Variants in FREM2 observed in about 807,000 individuals in gnomAD.
FREM2 encodes FRAS1 related extracellular matrix 2.
Under a neutral mutation model 219.9 loss-of-function variants are expected in FREM2, and 119 were observed. The observed-to-expected ratio is 0.54, with a 90% CI of 0.47 to 0.63. The LOEUF (loss-of-function observed/expected upper bound fraction) is 0.63. Among genes scored for constraint, FREM2 ranks in the 30% least tolerant of loss-of-function variants. The pLI is 0.00. For synonymous variants in FREM2, 1,562 were observed against 1,522.8 expected, an observed-to-expected ratio of 1.03 and a Z score of -0.60; for missense variants, 4,030 against 3,993.6, an observed-to-expected ratio of 1.01 and a Z score of -0.25.
intron 6 of FREM2, among the ~76,000 whole-genome samples, chr13:38,824,559 A>T (rs1374723103): frequency 1.3e-5 from 2 of 152,020 alleles, no homozygotes; most frequent in East Asian, 3.9e-4. Context: ...ATTTTGAGGG[A>T]AACAGTGGGA....
At chr13:38,755,482 T>C in intron 2 of FREM2, among the ~76,000 whole-genome samples, 1 of 152,180 alleles carries the variant, frequency 6.6e-6, no homozygotes, top group Non-Finnish European at 1.5e-5. Context: ...TCTCTTTAAA[T>C]TTCCACTTAC....
At position 38,783,124 on chromosome 13, in the gene FREM2, A is replaced by G; in HGVS notation, c.5696A>G (p.Glu1899Gly). The change falls in exon 5 of 24, where the codon GAG becomes GGG. Residue 1899 changes from glutamate (E) to glycine (G), a missense_variant. Coordinates refer to ENST00000280481, the MANE Select transcript of FREM2 (RefSeq NM_207361.6). ...SKYSVEEDVGELFIPIRRSGD... is the reference protein window; with the variant it reads ...SKYSVEEDVGGLFIPIRRSGD... ...TACTCCGTTGAAGAAGATGTTGGTGAGCTGTTCATTCCCATCAGGAGGAGC... is the reference window on the plus strand; with the variant it reads ...TACTCCGTTGAAGAAGATGTTGGTGGGCTGTTCATTCCCATCAGGAGGAGC... 4 of 1,613,972 alleles carry G rather than the reference A, an allele frequency of 2.5e-6. No homozygotes were observed. Among genetic ancestry groups the G allele is most frequent in the Non-Finnish European group, 3.4e-6 (4 of 1,179,922 alleles).
At chr13:38,702,544 GTTTGT>G (rs907244815) in intron 2 of FREM2, among the ~76,000 whole-genome samples, 2 of 151,984 alleles carry the variant, frequency 1.3e-5, no homozygotes, top group African/African-American at 4.8e-5. Flanking sequence ...TTTTTTGTTT[GTTTGT>G]TTTAAGTCTC....
At position 38,885,571 on chromosome 13, in the gene FREM2, C is replaced by G. The variant is rs1878699193; in HGVS notation, c.*4784C>G. 1 of 152,036 alleles carries G rather than the reference C, an allele frequency of 6.6e-6. No homozygotes were observed. The allele number at this position is 152,036 out of a possible 1,614,324, so 9.4% of individuals were successfully genotyped here. On this transcript the variant is annotated 3_prime_UTR_variant, in exon 24 of 24. Coordinates refer to ENST00000280481, the MANE Select transcript of FREM2 (RefSeq NM_207361.6). The stretch of plus-strand genomic sequence containing the variant: ...TATTTTTCATTCTTCCAATAATGCT[C>G]TCTTTTTCATTTCAAAACCATTACC...
Position 38,700,820 on chromosome 13 carries a change from T to C in FREM2, c.5263+3033T>C, listed in dbSNP as rs2442371. Among the ~76,000 whole-genome samples, 1,070 of 152,196 alleles carry C rather than the reference T, an allele frequency of 7.0e-3. 14 individuals carry two copies. The highest frequency in any genetic ancestry group is 0.025 in the African/African-American group (1,037 of 41,572). On this transcript the variant is annotated intron_variant, in intron 2 of 23. Coordinates refer to ENST00000280481, the MANE Select transcript of FREM2 (RefSeq NM_207361.6). ...ACTTCTCTGGGTTCTCCAGACCAAC[T>C]TTCTAGGAATGTTTAATAGATGTGA... is the stretch of plus-strand genomic sequence containing the variant.
rs1438906302 is a variant in FREM2, at chr13:38,691,398, T to C, written c.4054T>C (p.Leu1352=). The change falls in exon 1 of 24, where the codon TTA becomes CTA. Residue 1352 remains leucine (L), a synonymous_variant. Transcript: ENST00000280481. ...TCGTTATGGGCCAGGACATGGCTTA[T>C]TACAGAGACGAAAACCTACTGGTGC... ...IIRYGPGHGL[L]QRRKPTGAFE... The C allele has an allele frequency of 6.2e-7, 1 of 1,614,184 alleles. No homozygotes were observed. The highest frequency in any genetic ancestry group is 2.2e-5 in the East Asian group (1 of 44,888).
At chr13:38,786,741 A>G (rs551122974) in intron 6 of FREM2, among the ~76,000 whole-genome samples, 3 of 152,350 alleles carry the variant, frequency 2.0e-5, no homozygotes, top group Non-Finnish European at 4.4e-5. Context: ...AAAAAAACAT[A>G]AAAGTACAGA....
At chr13:38,732,018 A>G (rs567106814) in intron 2 of FREM2, among the ~76,000 whole-genome samples, 4 of 152,338 alleles carry the variant, frequency 2.6e-5, no homozygotes, top group African/African-American at 9.6e-5. Flanking sequence ...ATGAATATCC[A>G]TACCACCAGT....
chr13:38,739,575 T>A (rs1318038531), intron 2 of FREM2, among the ~76,000 whole-genome samples: 1 of 152,092 alleles, frequency 6.6e-6, no homozygotes, highest in East Asian at 1.9e-4. Flanking sequence ...CTCACCCTGA[T>A]CATCCTTCTC....
intron 17 of FREM2, among the ~76,000 whole-genome samples, chr13:38,873,256 G>A (rs1401209587): frequency 6.6e-6 from 1 of 151,996 alleles, no homozygotes; most frequent in Non-Finnish European, 1.5e-5. Flanking sequence ...CTAGAAAATG[G>A]ATAGAGGAAG....
intron 2 of FREM2, among the ~76,000 whole-genome samples, chr13:38,740,290 G>A (rs1167124241): frequency 7.2e-5 from 11 of 152,226 alleles, no homozygotes; most frequent in South Asian, 2.1e-4. Context: ...TTTCATGTTC[G>A]AGAGATATGT....
intron 2 of FREM2, among the ~76,000 whole-genome samples, chr13:38,699,398 T>C (rs1870251836): frequency 6.6e-6 from 1 of 152,170 alleles, no homozygotes. Flanking sequence ...ATTCCAATTT[T>C]GGAAAACATT....
In FREM2 at chr13:38,690,883, C is replaced by G. The variant is rs139236965; in HGVS notation, c.3539C>G (p.Pro1180Arg). ...GINFSERQFFPIVIIPTNDEQ... is the reference protein window; with the variant it reads ...GINFSERQFFRIVIIPTNDEQ... Reference sequence around the variant, plus strand: ...AACTTTTCAGAGAGACAGTTCTTCCCCATTGTAATCATTCCCACCAATGAT... The same window carrying G: ...AACTTTTCAGAGAGACAGTTCTTCCGCATTGTAATCATTCCCACCAATGAT... Residue 1180 changes from proline (P) to arginine (R), a missense_variant, in exon 1 of 24, where the codon CCC (proline) becomes CGC (arginine). This residue lies in a region of FREM2 where 3,102 missense variants were observed against 2,950.7 expected (regional missense o/e 1.05). Coordinates refer to ENST00000280481, the MANE Select transcript of FREM2 (RefSeq NM_207361.6). 1.8e-4 allele frequency: 286 copies of G among 1,614,034 alleles called. No individual in the cohort carries two copies. In the African/African-American group the frequency reaches 3.4e-3, roughly 19 times the overall value.
At chr13:38,706,740 G>A (rs1870556539) in intron 2 of FREM2, among the ~76,000 whole-genome samples, 1 of 152,142 alleles carries the variant, frequency 6.6e-6, no homozygotes, top group African/African-American at 2.4e-5. Flanking sequence ...ATTGGGTAAT[G>A]AATAAATTTT....
chr13:38,740,569 C>A lies in FREM2; in HGVS notation c.5264-23735C>A, dbSNP rs118072549. 5.6e-4 allele frequency among the ~76,000 whole-genome samples: 86 copies of A among 152,278 alleles called. 1 individual carries two copies. The East Asian group carries it at 0.013, about 24-fold the overall frequency. On this transcript the variant is annotated intron_variant, in intron 2 of 23. Coordinates refer to ENST00000280481, the MANE Select transcript of FREM2 (RefSeq NM_207361.6). Reference sequence around the variant, plus strand: ...AGAGACAAAGGAAATTATTTGCAATCATTATTCCTCATAAGAAAAGAAATA... The same window carrying A: ...AGAGACAAAGGAAATTATTTGCAATAATTATTCCTCATAAGAAAAGAAATA...
chr13:38,812,519 T>C (rs1029223955), intron 6 of FREM2, among the ~76,000 whole-genome samples: 6 of 152,180 alleles, frequency 3.9e-5, no homozygotes, highest in African/African-American at 1.4e-4. Context: ...TAACCTATTA[T>C]TTTAAACTAA....
chr13:38,850,253 AT>A lies in FREM2; in HGVS notation c.6577+24del, dbSNP rs748216447. On this transcript the variant is annotated intron_variant, in intron 9 of 23. Coordinates refer to ENST00000280481, the MANE Select transcript of FREM2 (RefSeq NM_207361.6). ...CCTCCCTGGTAAGCTTGAACTTGAA[AT>A]TTTTTCGTGAAATTTGAAGAAGCCG... 283 of 1,611,874 alleles carry A rather than the reference AT, an allele frequency of 1.8e-4. No individual in the cohort carries two copies. The highest frequency in any genetic ancestry group is 2.0e-4 in the Non-Finnish European group (239 of 1,178,348).
chr13:38,760,657 ATATGT>A (rs1169276055), intron 2 of FREM2, among the ~76,000 whole-genome samples: 12 of 152,284 alleles, frequency 7.9e-5, no homozygotes, highest in African/African-American at 2.9e-4. Context: ...AATGAAAGAG[ATATGT>A]TATGTTTACA....
intron 1 of FREM2, among the ~76,000 whole-genome samples, chr13:38,694,467 G>A (rs1043349005): frequency 9.2e-5 from 14 of 152,148 alleles, no homozygotes; most frequent in African/African-American, 3.1e-4. Context: ...CGGAGAAAGC[G>A]CCATCAGAAA....
Sources: allele counts gnomAD v4.1 joint callset (sites outside exome capture counted in the v4.1 genomes callset), GRCh38; gene constraint gnomAD v4.1.1; regional missense constraint gnomAD v4.1.1; transcripts MANE v1.5; gene names NCBI Gene and HGNC (gene_info 2026-07-23, HGNC 2026-07-21).